ADGRD1: variants seen among roughly 807,000 people sequenced by gnomAD.
ADGRD1 encodes the protein adhesion G protein-coupled receptor D1.
In ADGRD1, 77 loss-of-function variants were observed where a neutral mutation model predicts 113.4. That is an observed-to-expected ratio of 0.68 (90% CI 0.57 to 0.82). The LOEUF is 0.82. Ranked by LOEUF, ADGRD1 falls within the 40% of genes least tolerant of loss-of-function variation. ADGRD1 has a pLI of 0.00. For missense variants in ADGRD1, 1,036 were observed against 1,139.1 expected (o/e 0.91, Z 1.30); for synonymous variants, 474 against 475.0 (o/e 1.00, Z 0.03).
In ADGRD1 at chr12:131,079,501, C is replaced by A. The variant is rs972175258; in HGVS notation, c.1547+2627C>A. On this transcript the variant is annotated intron_variant, in intron 14 of 24. Transcript: ENST00000261654. The stretch of plus-strand genomic sequence containing the variant: ...TTGTTTTTATATCGAGGTAATGATA[C>A]CTTTATAAAAGTTACATTTTGGGAT... Among the ~76,000 whole-genome samples the A allele has an allele frequency of 2.0e-5, 3 of 151,932 alleles. No individual in the cohort carries two copies. The East Asian group carries it at 5.8e-4, about 29-fold the overall frequency.
At chr12:131,071,060 GC>G (rs1885125430) in intron 13 of ADGRD1, among the ~76,000 whole-genome samples, 2 of 144,668 alleles carry the variant, frequency 1.4e-5, no homozygotes, top group Admixed American at 1.4e-4. Context: ...GGAGCCATGT[GC>G]AAGGAGGTGG....
intron 9 of ADGRD1, chr12:131,002,597 A>G: frequency 9.5e-7 from 1 of 1,057,872 alleles, no homozygotes; most frequent in Non-Finnish European, 1.2e-6. Context: ...TCTGAGGATG[A>G]GGGCCCCCTG....
chr12:131,061,289 C>T (rs975138468), intron 13 of ADGRD1, among the ~76,000 whole-genome samples: 1 of 152,160 alleles, frequency 6.6e-6, no homozygotes, highest in African/African-American at 2.4e-5. Flanking sequence ...TTCGTGAGAA[C>T]GTTAGTCATG....
chr12:131,061,802 A>C (rs2137089167), intron 13 of ADGRD1, among the ~76,000 whole-genome samples: 1 of 152,306 alleles, frequency 6.6e-6, no homozygotes, highest in Non-Finnish European at 1.5e-5. Context: ...TCCTTCTACC[A>C]TCCCTAACTC....
At chr12:131,076,624 T>TGGGTTG (rs1343055792) in intron 13 of ADGRD1, 177 bp from the exon 14 acceptor site, 65 of 645,810 alleles carry the variant, frequency 1.0e-4, no homozygotes, top group African/African-American at 9.4e-4. Flanking sequence ...GAGGGCAGCA[T>TGGGTTG]GACCTGGGCC....
chr12:131,114,307 G>A (rs915056406), intron 18 of ADGRD1, among the ~76,000 whole-genome samples: 1 of 152,168 alleles, frequency 6.6e-6, no homozygotes, highest in Non-Finnish European at 1.5e-5. Flanking sequence ...GAGGAGATCC[G>A]ACGCCCTGAG....
intron 15 of ADGRD1, among the ~76,000 whole-genome samples, chr12:131,100,444 T>C (rs1368559294): frequency 1.3e-5 from 2 of 151,994 alleles, no homozygotes; most frequent in Non-Finnish European, 2.9e-5. Context: ...TGGTTGATGA[T>C]GGGTTGGTTG....
chr12:131,017,834 ACT>A (rs1878804061), intron 13 of ADGRD1, among the ~76,000 whole-genome samples: 2 of 149,754 alleles, frequency 1.3e-5, no homozygotes, highest in South Asian at 4.2e-4. Context: ...GTCCACACAC[ACT>A]CAGTGCACAC....
rs1011413134 is a variant in ADGRD1 at position 131,057,481 on chromosome 12, A to G, written c.1474-19320A>G. Among the ~76,000 whole-genome samples the G allele has an allele frequency of 2.0e-5, 3 of 152,058 alleles. No individual in the cohort carries two copies. Among genetic ancestry groups the G allele is most frequent in the Non-Finnish European group, 4.4e-5 (3 of 68,006 alleles). On this transcript the variant is annotated intron_variant, in intron 13 of 24. Coordinates refer to ENST00000261654, the MANE Select transcript of ADGRD1 (RefSeq NM_198827.5). This position sits in a 1 kb window ranked among gnomAD's most constrained non-coding sequence, Gnocchi z 4.2. ...CAGCTCTTGAGTCCACGAGTCTGAGACAAAGGCGTTGGCAGAGCTAGTTCG... is the reference window on the plus strand; with the variant it reads ...CAGCTCTTGAGTCCACGAGTCTGAGGCAAAGGCGTTGGCAGAGCTAGTTCG...
At chr12:130,960,020 G>A (rs909279069) in intron 2 of ADGRD1, among the ~76,000 whole-genome samples, 2 of 152,202 alleles carry the variant, frequency 1.3e-5, no homozygotes, top group Non-Finnish European at 2.9e-5. Context: ...CAGGGCCTCA[G>A]GCGGCCCAAT....
At chr12:131,012,931 C>T (rs1024405786) in intron 12 of ADGRD1, among the ~76,000 whole-genome samples, 1 of 152,182 alleles carries the variant, frequency 6.6e-6, no homozygotes, top group African/African-American at 2.4e-5. Flanking sequence ...TCTCAGGCAT[C>T]TTTGTGTAGT....
chr12:130,981,533 T>G (rs550031076), intron 4 of ADGRD1, among the ~76,000 whole-genome samples: 178 of 143,638 alleles, frequency 1.2e-3, no homozygotes, highest in Non-Finnish European at 2.4e-3. Context: ...TCCCGGGGAG[T>G]GGGGGCGGGG....
chr12:131,045,894 C>T (rs1377997563), intron 13 of ADGRD1, among the ~76,000 whole-genome samples: 1 of 151,612 alleles, frequency 6.6e-6, no homozygotes, highest in Non-Finnish European at 1.5e-5. Context: ...CCTTCCTGGT[C>T]AGTGCTCCCT....
intron 20 of ADGRD1, among the ~76,000 whole-genome samples, chr12:131,121,459 C>T (rs1950591479): frequency 1.3e-5 from 2 of 152,216 alleles, no homozygotes; most frequent in African/African-American, 4.8e-5. Context: ...GATCTCACTG[C>T]AACCTCTGCC....
At chr12:130,959,071 G>C (rs1282763783) in intron 2 of ADGRD1, among the ~76,000 whole-genome samples, 1 of 152,182 alleles carries the variant, frequency 6.6e-6, no homozygotes, top group African/African-American at 2.4e-5. Context: ...GTCAGTACCG[G>C]GACATAGGTT....
Position 130,971,617 on chromosome 12 carries a change from T to C in ADGRD1, c.310+37T>C. Reference sequence around the variant, plus strand: ...ATCCCTGCGGCATCTTTGTCAAGCATTTCATTCTCAGGGAGCACCTGCTCC... The same window carrying C: ...ATCCCTGCGGCATCTTTGTCAAGCACTTCATTCTCAGGGAGCACCTGCTCC... On this transcript the variant is annotated intron_variant, in intron 4 of 24. Coordinates refer to ENST00000261654, the MANE Select transcript of ADGRD1 (RefSeq NM_198827.5). This position sits in a 1 kb window ranked among gnomAD's most constrained non-coding sequence, Gnocchi z 4.2. 6.4e-7 allele frequency: 1 copy of C among 1,571,250 alleles called. No homozygotes were observed. The highest frequency in any genetic ancestry group is 1.2e-5 in the South Asian group (1 of 84,524).
intron 13 of ADGRD1, among the ~76,000 whole-genome samples, chr12:131,064,513 T>G (rs1593147509): frequency 6.6e-6 from 1 of 152,346 alleles, no homozygotes; most frequent in East Asian, 1.9e-4. Flanking sequence ...TGGGGCTATA[T>G]TTATATAGTG....
At chr12:131,083,787 C>T (rs545527559) in intron 14 of ADGRD1, among the ~76,000 whole-genome samples, 43 of 152,322 alleles carry the variant, frequency 2.8e-4, no homozygotes, top group African/African-American at 8.7e-4. Context: ...ACGTTATTCA[C>T]GTAAAAAGTA....
In ADGRD1 at chr12:130,965,212, A is replaced by G. The variant is rs1870875215; in HGVS notation, c.104-1251A>G. Among the ~76,000 whole-genome samples, 3 of 152,334 alleles carry G rather than the reference A, an allele frequency of 2.0e-5. No homozygotes were observed. Among genetic ancestry groups the G allele is most frequent in the Middle Eastern group, 6.8e-3 (2 of 294 alleles). On this transcript the variant is annotated intron_variant, in intron 2 of 24. Coordinates refer to ENST00000261654, the MANE Select transcript of ADGRD1 (RefSeq NM_198827.5). The surrounding 1 kb of genome is among the most constrained non-coding windows in gnomAD (Gnocchi z 4.8). ...ATTATTGTTGGAATACAGAAAAGCAATTGACATTTGTATATTAAATTTGTA... is the reference window on the plus strand; with the variant it reads ...ATTATTGTTGGAATACAGAAAAGCAGTTGACATTTGTATATTAAATTTGTA...
Sources: allele counts gnomAD v4.1 joint callset (sites outside exome capture counted in the v4.1 genomes callset), GRCh38; gene constraint gnomAD v4.1.1; non-coding constraint Gnocchi (gnomAD v3.1); transcripts MANE v1.5; gene names NCBI Gene and HGNC (gene_info 2026-07-23, HGNC 2026-07-21).